CFTR: variants seen among roughly 807,000 people sequenced by gnomAD.
CFTR encodes the protein cystic fibrosis transmembrane conductance regulator.
A neutral mutation model predicts 171.6 loss-of-function variants in CFTR; 181 were observed. That is an observed-to-expected ratio of 1.05 (90% CI 0.93 to 1.19). The LOEUF (loss-of-function observed/expected upper bound fraction) is 1.19. Among genes scored for constraint, CFTR ranks in the 50% most tolerant of loss-of-function variants. The pLI, the probability that CFTR is intolerant of heterozygous loss-of-function variation, is 0.00. For missense variants in CFTR, 1,968 were observed against 1,734.7 expected (o/e 1.13, Z -2.39); for synonymous variants, 583 against 608.0 (o/e 0.96, Z 0.60).
chr7:117,662,238 G>T (rs1038236997), intron 24 of CFTR, among the ~76,000 whole-genome samples: 33 of 152,124 alleles, frequency 2.2e-4, no homozygotes, highest in African/African-American at 8.0e-4. Context: ...GTTTTGTTTG[G>T]CCACCCACAT....
intron 1 of CFTR, among the ~76,000 whole-genome samples, chr7:117,502,366 G>A (rs1212301838): frequency 2.0e-5 from 3 of 152,136 alleles, no homozygotes; most frequent in Non-Finnish European, 4.4e-5. Flanking sequence ...ACCCATTTAA[G>A]AAGATTTTCA....
At chr7:117,544,124 A>G (rs543199050) in intron 9 of CFTR, among the ~76,000 whole-genome samples, 18 of 152,278 alleles carry the variant, frequency 1.2e-4, no homozygotes, top group African/African-American at 4.3e-4. Context: ...TCGAAGAACA[A>G]TAATTTTATT....
intron 1 of CFTR, among the ~76,000 whole-genome samples, chr7:117,501,150 A>G (rs1780560104): frequency 1.3e-5 from 2 of 152,224 alleles, no homozygotes; most frequent in African/African-American, 4.8e-5. Context: ...ATATAGTGTC[A>G]TATTTTAATA....
chr7:117,519,281 T>A (rs1798649044), intron 3 of CFTR, among the ~76,000 whole-genome samples: 1 of 152,136 alleles, frequency 6.6e-6, no homozygotes, highest in Admixed American at 6.6e-5. Flanking sequence ...AATATGTTTT[T>A]ATTTTCTATG....
rs766360564 is a variant in CFTR, at chr7:117,559,666, A to G, written c.1584+11A>G. The G allele has an allele frequency of 6.2e-7, 1 of 1,605,516 alleles. No individual in the cohort carries two copies. The highest frequency in any genetic ancestry group is 8.5e-7 in the Non-Finnish European group (1 of 1,173,060). On this transcript the variant is annotated intron_variant, in intron 11 of 26. Transcript: ENST00000003084. ...TGCCAACTAGAAGAGGTAAGAAACT[A>G]TGTGAAAACTTTTTGATTATGCATA...
chr7:117,512,978 T>C (rs1798544465), intron 3 of CFTR, among the ~76,000 whole-genome samples: 1 of 152,010 alleles, frequency 6.6e-6, no homozygotes, highest in Non-Finnish European at 1.5e-5. Context: ...CAGACTACAG[T>C]CTATATGGCA....
At chr7:117,663,230 A>G (rs973769970) in intron 24 of CFTR, among the ~76,000 whole-genome samples, 8 of 152,206 alleles carry the variant, frequency 5.3e-5, no homozygotes, top group African/African-American at 1.9e-4. Flanking sequence ...TGAAGGCACA[A>G]AGAAAGACAC....
At chr7:117,533,514 AG>A (rs1268827125) in intron 4 of CFTR, among the ~76,000 whole-genome samples, 1 of 152,160 alleles carries the variant, frequency 6.6e-6, no homozygotes, top group Non-Finnish European at 1.5e-5. Context: ...CATCAAGTAC[AG>A]TGATTTGCAT....
At chr7:117,610,108 A>C (rs538949411) in intron 18 of CFTR, among the ~76,000 whole-genome samples, 32 of 151,132 alleles carry the variant, frequency 2.1e-4, no homozygotes, top group African/African-American at 6.1e-4. Flanking sequence ...AAATTGGAAA[A>C]CATCATTCTC....
chr7:117,557,050 G>A (rs1272736849), intron 10 of CFTR, among the ~76,000 whole-genome samples: 1 of 151,462 alleles, frequency 6.6e-6, no homozygotes, highest in Non-Finnish European at 1.5e-5. Context: ...GATGTTTGAC[G>A]CTTTTTTAAA....
chr7:117,571,796 A>G (rs926927282), intron 11 of CFTR, among the ~76,000 whole-genome samples: 4 of 152,110 alleles, frequency 2.6e-5, no homozygotes, highest in African/African-American at 4.8e-5. Flanking sequence ...ACAGAGTTAC[A>G]TATACTTACA....
In CFTR at chr7:117,611,595, T is replaced by C. The variant is rs150212784; in HGVS notation, c.3154T>C (p.Phe1052Leu). The change falls in exon 20 of 27, where the codon TTC becomes CTC. Residue 1052 changes from phenylalanine to leucine, a missense_variant. Coordinates refer to ENST00000003084, the MANE Select transcript of CFTR (RefSeq NM_000492.4). ...QLESEGRSPI[F>L]THLVTSLKGL... ...ATATTTCACAGGCAGGAGTCCAATT[T>C]TCACTCATCTTGTTACAAGCTTAAA... 1 of 1,609,064 alleles carries C rather than the reference T, an allele frequency of 6.2e-7. No individual in the cohort carries two copies. The highest frequency in any genetic ancestry group is 1.1e-5 in the South Asian group (1 of 90,938).
intron 11 of CFTR, among the ~76,000 whole-genome samples, chr7:117,561,622 C>A (rs1799466243): frequency 6.6e-6 from 1 of 152,108 alleles, no homozygotes; most frequent in African/African-American, 2.4e-5. Context: ...GGTAAGGAAT[C>A]ATCATTCAGC....
intron 22 of CFTR, among the ~76,000 whole-genome samples, chr7:117,637,224 T>TG (rs1554394882): frequency 1.3e-5 from 2 of 149,650 alleles, no homozygotes; most frequent in African/African-American, 2.4e-5. Flanking sequence ...CAAATGGTGT[T>TG]TTTTTTTTTT....
intron 15 of CFTR, among the ~76,000 whole-genome samples, chr7:117,598,167 G>A (rs922008469): frequency 1.3e-5 from 2 of 152,122 alleles, no homozygotes; most frequent in African/African-American, 2.4e-5. Context: ...TTTAAAATAC[G>A]GGTAGTTGAT....
intron 23 of CFTR, among the ~76,000 whole-genome samples, chr7:117,651,906 CT>C (rs1358187768): frequency 6.6e-6 from 1 of 152,020 alleles, no homozygotes; most frequent in Admixed American, 6.6e-5. Context: ...AAAAACTACA[CT>C]TCAAGAAATT....
chr7:117,550,417 T>G (rs774874240), intron 10 of CFTR, among the ~76,000 whole-genome samples: 56 of 152,306 alleles, frequency 3.7e-4, no homozygotes, highest in Admixed American at 5.9e-4. Context: ...CGAAACAGCT[T>G]TTAAAACAAA....
intron 1 of CFTR, among the ~76,000 whole-genome samples, chr7:117,499,691 C>A (rs529977371): frequency 6.6e-6 from 1 of 151,616 alleles, no homozygotes; most frequent in East Asian, 1.9e-4. Flanking sequence ...GGTGGTGGCT[C>A]ATGCCTGTAA....
intron 3 of CFTR, among the ~76,000 whole-genome samples, chr7:117,521,710 G>T (rs1798688942): frequency 6.6e-6 from 1 of 152,126 alleles, no homozygotes; most frequent in Non-Finnish European, 1.5e-5. Context: ...AGCCTTAGAA[G>T]TTTTCCAAGT....
Sources: gnomAD v4.1 joint callset for allele counts (sites outside exome capture counted in the v4.1 genomes callset) on GRCh38, gnomAD v4.1.1 for gene constraint, MANE v1.5 for transcripts, NCBI Gene and HGNC (gene_info 2026-07-23, HGNC 2026-07-21) for gene names.